PDS5A: variants seen among roughly 807,000 people sequenced by gnomAD.
The protein encoded by PDS5A is PDS5 cohesin associated factor A.
Under a neutral mutation model 167.1 loss-of-function variants are expected in PDS5A, and 42 were observed. The observed-to-expected ratio is 0.25, with a 90% CI of 0.20 to 0.33. The LOEUF (loss-of-function observed/expected upper bound fraction) is 0.33, where lower values mean the gene tolerates loss of function less well. Ranked by LOEUF, PDS5A falls within the 10% of genes least tolerant of loss-of-function variation. The pLI is 1.00. For missense variants in PDS5A, 1,033 were observed against 1,605.9 expected (o/e 0.64, Z 6.10); for synonymous variants, 553 against 554.6 (o/e 1.00, Z 0.04).
chr4:39,949,887 T>C (rs1424232516), intron 2 of PDS5A, among the ~76,000 whole-genome samples: 2 of 149,914 alleles, frequency 1.3e-5, no homozygotes, highest in Admixed American at 1.3e-4. Context: ...GCATTTGTGA[T>C]GATACTAAAA....
chr4:39,838,318 T>A, intron 31 of PDS5A, 110 bp from the exon 32 acceptor site: 1 of 756,446 alleles, frequency 1.3e-6, no homozygotes, highest in Non-Finnish European at 2.1e-6. Flanking sequence ...TTTGAGGGCT[T>A]CCAGTTAACT....
In PDS5A at chr4:39,917,066, C is replaced by G. The variant is rs1325258513; in HGVS notation, c.858G>C (p.Gln286His). The G allele has an allele frequency of 2.7e-6, 4 of 1,509,200 alleles. No individual in the cohort carries two copies. The highest frequency in any genetic ancestry group is 3.5e-6 in the Non-Finnish European group (4 of 1,134,494). The allele number at this position is 1,509,200 out of a possible 1,614,324, so 93.5% of individuals were successfully genotyped here. A position where few individuals can be genotyped will look rare whatever the true frequency, so the allele number is the denominator to read the frequency against. The change falls in exon 8 of 33, where the codon CAG becomes CAC. Residue 286 changes from glutamine to histidine, a missense_variant. Transcript: ENST00000303538. ...ATCTTACCTTTAGTTTGAATTCAAG[C>G]TGTGGCATGACGGATAATAATAAAT... Reference protein sequence around the residue: ...DPHLLLSVMPQLEFKLKSNDG... With the variant: ...DPHLLLSVMPHLEFKLKSNDG...
intron 17 of PDS5A, 39 bp downstream of exon 17, chr4:39,890,210 T>A (rs201098591): frequency 2.7e-5 from 29 of 1,074,960 alleles, no homozygotes; most frequent in Non-Finnish European, 3.4e-5. Context: ...TCGTTGCAGA[T>A]TATTATTTAT....
chr4:39,928,045 C>A lies in PDS5A; in HGVS notation c.258G>T (p.Val86=), dbSNP rs1273670994. Residue 86 remains valine, a synonymous_variant, in exon 3 of 33, where the codon GTG becomes GTT. Transcript: ENST00000303538. ...CCAAACAACATGCTACAAGGAGACG[C>A]ACATCTTTATTGGGGTTCCTGAGGA... is the stretch of plus-strand genomic sequence containing the variant. ...EFFLRNPNKD[V]RLLVACCLAD... 8 of 1,613,638 alleles carry A rather than the reference C, an allele frequency of 5.0e-6. No individual in the cohort carries two copies.
At chr4:39,842,909 T>TTATATATATATATATATATATA (rs71194933) in intron 30 of PDS5A, among the ~76,000 whole-genome samples, 2,316 of 91,602 alleles carry the variant, frequency 0.025, 99 homozygotes, top group African/African-American at 0.032. Context: ...TATCCTATTT[T>TTATATATATATATATATATATA]TATATATATA....
chr4:39,963,450 A>G (rs1036337540), intron 2 of PDS5A, among the ~76,000 whole-genome samples: 1 of 151,142 alleles, frequency 6.6e-6, no homozygotes, highest in East Asian at 1.9e-4. Flanking sequence ...AAATAGCCAG[A>G]CTCCATCTCA....
At chr4:39,867,774 A>ACACACACACCCCC (rs369419469) in intron 22 of PDS5A, among the ~76,000 whole-genome samples, 2 of 108,524 alleles carry the variant, frequency 1.8e-5, no homozygotes, top group Admixed American at 9.2e-5. Flanking sequence ...ACACACACAC[A>ACACACACACCCCC]CCCCACAACT....
At chr4:39,828,045 A>G (rs150114068) in intron 32 of PDS5A, among the ~76,000 whole-genome samples, 1 of 152,344 alleles carries the variant, frequency 6.6e-6, no homozygotes, top group East Asian at 1.9e-4. Flanking sequence ...TCCGAAACTC[A>G]GAGACCCAAC....
chr4:39,926,550 C>T (rs1416119133), intron 4 of PDS5A, among the ~76,000 whole-genome samples: 1 of 148,206 alleles, frequency 6.7e-6, no homozygotes, highest in South Asian at 2.1e-4. Flanking sequence ...TAGATACAAA[C>T]AAAAGATATA....
rs547933631 is a variant in PDS5A at position 39,938,276 on chromosome 4, C to T, written c.139-10112G>A. ...TCTGTTAAATTTAATGTGTCTGGGC[C>T]GGGCACGGTGGCTCACACCTGTAAT... is the stretch of plus-strand genomic sequence containing the variant. On this transcript the variant is annotated intron_variant, in intron 2 of 32. Transcript: ENST00000303538. Among the ~76,000 whole-genome samples, 3 of 152,276 alleles carry T rather than the reference C, an allele frequency of 2.0e-5. No individual in the cohort carries two copies. The South Asian group carries it at 6.2e-4, about 32-fold the overall frequency.
intron 32 of PDS5A, among the ~76,000 whole-genome samples, chr4:39,832,133 CA>C (rs1238399912): frequency 6.6e-6 from 1 of 151,528 alleles, no homozygotes; most frequent in African/African-American, 2.4e-5. Context: ...CAAAACAAAA[CA>C]AAAACCCAAA....
At chr4:39,883,215 T>G (rs566039248) in intron 17 of PDS5A, among the ~76,000 whole-genome samples, 1 of 152,262 alleles carries the variant, frequency 6.6e-6, no homozygotes, top group African/African-American at 2.4e-5. Context: ...GGAGTCTCAC[T>G]TTTTGCCCAG....
chr4:39,837,713 T>G (rs1009454558), intron 32 of PDS5A, 143 bp downstream of exon 32: 4 of 579,720 alleles, frequency 6.9e-6, no homozygotes, highest in African/African-American at 5.6e-5. Flanking sequence ...TAATAACAGA[T>G]GCTATTATAA....
At chr4:39,930,309 T>TCTCGAACTCCTGGG in intron 2 of PDS5A, among the ~76,000 whole-genome samples, 1 of 139,540 alleles carries the variant, frequency 7.2e-6, no homozygotes, top group African/African-American at 2.6e-5. Context: ...CCCAGGCTGG[T>TCTCGAACTCCTGGG]CTCGAACTCC....
At chr4:39,877,755 C>G (rs1285147791) in intron 18 of PDS5A, among the ~76,000 whole-genome samples, 2 of 152,026 alleles carry the variant, frequency 1.3e-5, no homozygotes, top group African/African-American at 4.8e-5. Context: ...TACAGGTGCA[C>G]CACCATGCCC....
In PDS5A at chr4:39,927,898, A is replaced by G. The variant is rs1325732782; in HGVS notation, c.342+63T>C. ...TTCATAAAGGTAAAATATAAAAATA[A>G]AAGTATACCTTCTGAACAGTGGTGA... On this transcript the variant is annotated intron_variant, in intron 3 of 32. Coordinates refer to ENST00000303538, the MANE Select transcript of PDS5A (RefSeq NM_001100399.2). 14 of 1,120,786 alleles carry G rather than the reference A, an allele frequency of 1.2e-5. No individual in the cohort carries two copies. The Admixed American group carries it at 2.9e-4, about 23-fold the overall frequency. The allele number at this position is 1,120,786 out of a possible 1,614,324, so 69.4% of individuals were successfully genotyped here.
chr4:39,944,708 A>C (rs200735601), intron 2 of PDS5A, among the ~76,000 whole-genome samples: 2 of 151,784 alleles, frequency 1.3e-5, no homozygotes, highest in Non-Finnish European at 2.9e-5. Context: ...AAAAAAAAAA[A>C]AAACAAAAAG....
intron 2 of PDS5A, among the ~76,000 whole-genome samples, chr4:39,937,821 G>A (rs114014113): frequency 1.3e-5 from 2 of 152,300 alleles, no homozygotes; most frequent in Non-Finnish European, 2.9e-5. Flanking sequence ...AGACATACAT[G>A]CCCAATGATT....
At chr4:39,902,110 G>A (rs1722933280) in intron 13 of PDS5A, among the ~76,000 whole-genome samples, 1 of 152,064 alleles carries the variant, frequency 6.6e-6, no homozygotes, top group Non-Finnish European at 1.5e-5. Context: ...ATTTTGACGT[G>A]GTCATTTATT....
Sources: gnomAD v4.1 joint callset for allele counts (sites outside exome capture counted in the v4.1 genomes callset) on GRCh38, gnomAD v4.1.1 for gene constraint, MANE v1.5 for transcripts, NCBI Gene and HGNC (gene_info 2026-07-23, HGNC 2026-07-21) for gene names.